PCDH9: variants seen among roughly 807,000 people sequenced by gnomAD.
PCDH9 encodes protocadherin 9, also known as protocadherin-9.
PCDH9 carries 24 observed loss-of-function variants against 70.6 expected under a neutral mutation model. The observed-to-expected ratio is 0.34, with a 90% CI of 0.25 to 0.48. The LOEUF (loss-of-function observed/expected upper bound fraction) is 0.48. Among genes scored for constraint, PCDH9 ranks in the 20% least tolerant of loss-of-function variants. PCDH9 has a pLI of 0.99. For missense variants in PCDH9, 1,281 were observed against 1,503.6 expected (o/e 0.85, Z 2.45); for synonymous variants, 562 against 558.5 (o/e 1.01, Z -0.09).
intron 4 of PCDH9, among the ~76,000 whole-genome samples, chr13:66,562,510 A>G (rs1329380315): frequency 6.6e-6 from 1 of 152,212 alleles, no homozygotes; most frequent in Non-Finnish European, 1.5e-5. Flanking sequence ...AAGGCAAAGT[A>G]GGAGCAAAGG....
intron 4 of PCDH9, among the ~76,000 whole-genome samples, chr13:66,453,906 T>C (rs1958264922): frequency 2.0e-5 from 3 of 152,096 alleles, no homozygotes; most frequent in African/African-American, 7.2e-5. Flanking sequence ...CAATAACCAA[T>C]ATAAAAGGAA....
At chr13:66,660,454 G>A (rs2077993309) in intron 3 of PCDH9, among the ~76,000 whole-genome samples, 1 of 152,094 alleles carries the variant, frequency 6.6e-6, no homozygotes. Context: ...TTATCCACCT[G>A]ATTATAGTGA....
chr13:66,890,658 C>T (rs2082082208), intron 3 of PCDH9, among the ~76,000 whole-genome samples: 1 of 151,808 alleles, frequency 6.6e-6, no homozygotes, highest in Non-Finnish European at 1.5e-5. Flanking sequence ...AGGCAAGAGC[C>T]GAACTTTGAT....
chr13:66,740,140 C>G (rs1452376049), intron 3 of PCDH9, among the ~76,000 whole-genome samples: 12 of 146,126 alleles, frequency 8.2e-5, no homozygotes, highest in Admixed American at 2.8e-4. Flanking sequence ...AACAAACTAT[C>G]TCTCAGACCA....
intron 4 of PCDH9, among the ~76,000 whole-genome samples, chr13:66,341,721 T>C (rs1956129194): frequency 7.1e-6 from 1 of 141,474 alleles, no homozygotes; most frequent in Admixed American, 7.6e-5. Flanking sequence ...TGCACTGAGC[T>C]GGTTTGCTAG....
chr13:66,384,068 T>C (rs1956888953), intron 4 of PCDH9, among the ~76,000 whole-genome samples: 1 of 152,128 alleles, frequency 6.6e-6, no homozygotes, highest in Non-Finnish European at 1.5e-5. Context: ...ATAATTAACA[T>C]ATTAGTCATT....
intron 2 of PCDH9, among the ~76,000 whole-genome samples, chr13:67,158,979 G>T (rs746821165): frequency 1.3e-5 from 2 of 152,148 alleles, no homozygotes; most frequent in Non-Finnish European, 2.9e-5. Flanking sequence ...AAATGAGGTA[G>T]GGTATCACCC....
At chr13:67,023,726 A>G (rs1045841231) in intron 2 of PCDH9, among the ~76,000 whole-genome samples, 1 of 152,162 alleles carries the variant, frequency 6.6e-6, no homozygotes, top group Non-Finnish European at 1.5e-5. Context: ...CACAGACCAC[A>G]GGTTGTTGCC....
intron 4 of PCDH9, among the ~76,000 whole-genome samples, chr13:66,491,448 A>T (rs1049230305): frequency 4.7e-5 from 7 of 150,456 alleles, no homozygotes; most frequent in African/African-American, 1.5e-4. Flanking sequence ...CTCAGTGAAT[A>T]TGTAGTGAGG....
At chr13:66,872,523 G>A (rs2081713383) in intron 3 of PCDH9, among the ~76,000 whole-genome samples, 1 of 152,008 alleles carries the variant, frequency 6.6e-6, no homozygotes, top group Non-Finnish European at 1.5e-5. Context: ...AGCATAGTAA[G>A]TTAAAAAGTT....
chr13:66,690,128 T>A (rs370758821), intron 3 of PCDH9, among the ~76,000 whole-genome samples: 1 of 152,188 alleles, frequency 6.6e-6, no homozygotes, highest in African/African-American at 2.4e-5. Flanking sequence ...GAAATAAGCA[T>A]TATGTATTAT....
intron 3 of PCDH9, among the ~76,000 whole-genome samples, chr13:66,761,442 C>T (rs938798299): frequency 6.6e-6 from 1 of 152,138 alleles, no homozygotes; most frequent in Non-Finnish European, 1.5e-5. Flanking sequence ...TTTCTACCCC[C>T]TTTATCTTCC....
chr13:66,719,874 T>C (rs1447177571), intron 3 of PCDH9, among the ~76,000 whole-genome samples: 1 of 152,184 alleles, frequency 6.6e-6, no homozygotes, highest in Non-Finnish European at 1.5e-5. Flanking sequence ...CAGTCAGGAA[T>C]ATGATTCACA....
intron 4 of PCDH9, among the ~76,000 whole-genome samples, chr13:66,360,892 T>C (rs1035078956): frequency 6.6e-6 from 1 of 152,134 alleles, no homozygotes; most frequent in Non-Finnish European, 1.5e-5. Context: ...GTAACTTATT[T>C]GTCTGAGTAC....
At chr13:66,809,193 C>A (rs1317607605) in intron 3 of PCDH9, among the ~76,000 whole-genome samples, 1 of 152,126 alleles carries the variant, frequency 6.6e-6, no homozygotes, top group Non-Finnish European at 1.5e-5. Context: ...CGTGATCCAC[C>A]CGTCTCGGCC....
intron 2 of PCDH9, among the ~76,000 whole-genome samples, chr13:66,981,628 A>C (rs1280639785): frequency 1.3e-5 from 2 of 151,938 alleles, no homozygotes; most frequent in East Asian, 3.9e-4. Flanking sequence ...AAAAGAAAAA[A>C]AGTATTTGAT....
At chr13:66,826,514 T>C (rs2080826404) in intron 3 of PCDH9, among the ~76,000 whole-genome samples, 1 of 152,184 alleles carries the variant, frequency 6.6e-6, no homozygotes, top group African/African-American at 2.4e-5. Flanking sequence ...CGTTTGCCTG[T>C]ATAATTGGAA....
chr13:67,089,216 T>C (rs149274726), intron 2 of PCDH9, among the ~76,000 whole-genome samples: 2 of 152,156 alleles, frequency 1.3e-5, no homozygotes, highest in East Asian at 1.9e-4. Flanking sequence ...TAATTAGAGA[T>C]TCAAATATCA....
At chr13:66,983,638 C>T (rs921547535) in intron 2 of PCDH9, among the ~76,000 whole-genome samples, 13 of 151,990 alleles carry the variant, frequency 8.6e-5, no homozygotes, top group African/African-American at 2.2e-4. Context: ...TGTGCTCTGG[C>T]GACAGAAATC....
Sources: gnomAD v4.1 joint callset for allele counts (sites outside exome capture counted in the v4.1 genomes callset) on GRCh38, gnomAD v4.1.1 for gene constraint, MANE v1.5 for transcripts, NCBI Gene and HGNC (gene_info 2026-07-23, HGNC 2026-07-21) for gene names.